Variants in PACS1 observed in about 807,000 individuals in gnomAD.
PACS1 encodes the protein phosphofurin acidic cluster sorting protein 1.
Under a neutral mutation model 115.0 loss-of-function variants are expected in PACS1, and 24 were observed. That is an observed-to-expected ratio of 0.21 (90% confidence interval 0.15 to 0.29). PACS1 has a LOEUF of 0.29. Among genes scored for constraint, PACS1 ranks in the 10% least tolerant of loss-of-function variants. The probability of loss-of-function intolerance (pLI) is 1.00; values close to 1 mark genes in which losing one functional copy is unlikely to be tolerated. For missense variants in PACS1, 838 were observed against 1,251.2 expected, an observed-to-expected ratio of 0.67 and a Z score of 4.98; for synonymous variants, 453 against 504.5, an observed-to-expected ratio of 0.90 and a Z score of 1.37.
Position 66,070,757 on chromosome 11 carries a change from G to T in PACS1, c.271G>T (p.Gly91Trp). ...ASGSAPPGGP[G>W]PGRTPAPVQM... ...GGGCTCCGCGCCTCCCGGTGGCCCGGGGCCAGGCCGCACCCCCGCCCCGGT... is the reference window on the plus strand; with the variant it reads ...GGGCTCCGCGCCTCCCGGTGGCCCGTGGCCAGGCCGCACCCCCGCCCCGGT... Residue 91 changes from glycine to tryptophan, a missense_variant, in exon 1 of 24, where the codon GGG becomes TGG. Physicochemically the swap from Gly to Trp is radical, Grantham distance 184 (BLOSUM62 -2). Transcript: ENST00000320580. This position sits in a 1 kb window ranked among gnomAD's most constrained non-coding sequence, Gnocchi z 5.9. The T allele has an allele frequency of 6.5e-7, 1 of 1,549,572 alleles. No homozygotes were observed.
At chr11:66,212,351 C>G (rs1855093938) in intron 4 of PACS1, among the ~76,000 whole-genome samples, 1 of 150,752 alleles carries the variant, frequency 6.6e-6, no homozygotes, top group Admixed American at 6.6e-5. Flanking sequence ...CCAGGATGGT[C>G]TCATTCTCCT....
intron 1 of PACS1, among the ~76,000 whole-genome samples, chr11:66,183,036 G>A (rs1451188013): frequency 6.6e-6 from 1 of 152,012 alleles, no homozygotes; most frequent in Non-Finnish European, 1.5e-5. Flanking sequence ...AGGCTGAGGT[G>A]GGAGAATCAC....
intron 9 of PACS1, 108 bp downstream of exon 9, chr11:66,220,899 C>T (rs757178974): frequency 6.3e-6 from 8 of 1,261,384 alleles, no homozygotes; most frequent in Non-Finnish European, 8.8e-6. Context: ...CTTGGTCCTT[C>T]ATCCTTTCTG....
At chr11:66,173,705 A>T (rs1859790596) in intron 1 of PACS1, among the ~76,000 whole-genome samples, 1 of 151,778 alleles carries the variant, frequency 6.6e-6, no homozygotes, top group African/African-American at 2.4e-5. Context: ...GCGAAACTCC[A>T]TCTCAAAAAG....
chr11:66,216,650 G>A, intron 6 of PACS1, 39 bp downstream of exon 6: 2 of 1,609,908 alleles, frequency 1.2e-6, no homozygotes, highest in Non-Finnish European at 1.7e-6. Context: ...TGTCCAAGAA[G>A]CTCCTGGGGT....
At chr11:66,201,525 G>A (rs112600064) in intron 2 of PACS1, among the ~76,000 whole-genome samples, 3,594 of 151,682 alleles carry the variant, frequency 0.024, 168 homozygotes, top group African/African-American at 0.083. Flanking sequence ...ACAACTTAAT[G>A]ATGCTTCTTA....
intron 1 of PACS1, among the ~76,000 whole-genome samples, chr11:66,131,681 A>G (rs1396736791): frequency 1.3e-5 from 2 of 151,980 alleles, no homozygotes; most frequent in East Asian, 3.9e-4. Context: ...TAATCCCAGC[A>G]CTTTGGGAGG....
chr11:66,121,017 A>G (rs1237119123), intron 1 of PACS1: 2 of 456,032 alleles, frequency 4.4e-6, no homozygotes, highest in African/African-American at 2.0e-5. Flanking sequence ...CTTGTGCTTC[A>G]CAGATGCTGC....
chr11:66,109,359 ACCAGCATGGG>A (rs2134542985), intron 1 of PACS1, among the ~76,000 whole-genome samples: 1 of 152,240 alleles, frequency 6.6e-6, no homozygotes, highest in South Asian at 2.1e-4. Flanking sequence ...GGAGTTTGAG[ACCAGCATGGG>A]CAACATAGTG....
intron 1 of PACS1, among the ~76,000 whole-genome samples, chr11:66,105,901 A>G (rs930305778): frequency 6.6e-6 from 1 of 152,178 alleles, no homozygotes; most frequent in Non-Finnish European, 1.5e-5. Context: ...ACAAGCTTAC[A>G]TTTAGATAAA....
intron 11 of PACS1, among the ~76,000 whole-genome samples, chr11:66,229,215 A>C (rs1207499126): frequency 6.6e-6 from 1 of 150,860 alleles, no homozygotes; most frequent in African/African-American, 2.4e-5. Flanking sequence ...TCTCTACAAA[A>C]AAAAAAAAAA....
intron 1 of PACS1, among the ~76,000 whole-genome samples, chr11:66,153,698 G>C (rs141453816): frequency 0.027 from 4,052 of 152,080 alleles, 169 homozygotes; most frequent in African/African-American, 0.092. Context: ...GGAGAATGGC[G>C]TGAACCCGGG....
At chr11:66,104,483 T>C (rs1857989881) in intron 1 of PACS1, among the ~76,000 whole-genome samples, 1 of 152,168 alleles carries the variant, frequency 6.6e-6, no homozygotes. Context: ...GTTGATGTAT[T>C]GTTGTGTATG....
intron 1 of PACS1, among the ~76,000 whole-genome samples, chr11:66,137,033 C>CCA (rs577128600): frequency 6.8e-6 from 1 of 146,070 alleles, no homozygotes; most frequent in Admixed American, 6.9e-5. Flanking sequence ...CCCCCCCCCC[C>CCA]ACCATTTCGT....
chr11:66,221,046 G>A (rs1855333156), intron 9 of PACS1, 108 bp from the exon 10 acceptor site: 1 of 1,094,248 alleles, frequency 9.1e-7, no homozygotes, highest in Non-Finnish European at 1.4e-6. Flanking sequence ...GGGCGTTCTG[G>A]ACACCTGTAG....
chr11:66,241,454 G>C lies in PACS1; in HGVS notation c.2457G>C (p.Val819=), dbSNP rs143881437. 1.2e-6 allele frequency: 2 copies of C among 1,606,704 alleles called. No homozygotes were observed. Among genetic ancestry groups the C allele is most frequent in the Non-Finnish European group, 1.7e-6 (2 of 1,176,578 alleles). The change falls in exon 22 of 24, where the codon GTG becomes GTC. Residue 819 remains valine (V), a synonymous_variant. Coordinates refer to ENST00000320580, the MANE Select transcript of PACS1 (RefSeq NM_018026.4). ...GCCCTAATAGCCCATATGGGGACGT[G>C]ATTGGCCTCCAGGTGGACTACTGGC... ...VGSPNSPYGD[V]IGLQVDYWLG...
intron 2 of PACS1, among the ~76,000 whole-genome samples, chr11:66,200,994 G>C (rs941943789): frequency 5.3e-5 from 8 of 152,100 alleles, no homozygotes; most frequent in Admixed American, 4.6e-4. Flanking sequence ...GCCAAGGTGG[G>C]TGGATCATGA....
At chr11:66,202,794 A>C (rs1854846273) in intron 2 of PACS1, among the ~76,000 whole-genome samples, 1 of 137,896 alleles carries the variant, frequency 7.3e-6, no homozygotes, top group African/African-American at 2.7e-5. Flanking sequence ...CTGAAAAAGC[A>C]TTTGATAAAA....
intron 19 of PACS1, chr11:66,237,953 C>A: frequency 2.0e-6 from 1 of 509,522 alleles, no homozygotes; most frequent in Non-Finnish European, 2.5e-6. Context: ...CGGTAGATTT[C>A]GCCCCATCAG....
Sources: allele counts gnomAD v4.1 joint callset (sites outside exome capture counted in the v4.1 genomes callset), GRCh38; gene constraint gnomAD v4.1.1; non-coding constraint Gnocchi (gnomAD v3.1); transcripts MANE v1.5; gene names NCBI Gene and HGNC (gene_info 2026-07-23, HGNC 2026-07-21).